NKAIN2: variants seen among roughly 807,000 people sequenced by gnomAD.
NKAIN2 encodes sodium/potassium-transporting ATPase subunit beta-1-interacting protein 2.
NKAIN2 carries 14 observed loss-of-function variants against 32.6 expected under a neutral mutation model. That is an observed-to-expected ratio of 0.43 (90% CI 0.28 to 0.67). NKAIN2 has a LOEUF of 0.67. Among genes scored for constraint, NKAIN2 ranks in the 30% least tolerant of loss-of-function variants. The pLI, the probability that NKAIN2 is intolerant of heterozygous loss-of-function variation, is 0.17. For synonymous variants in NKAIN2, 80 were observed against 87.2 expected (o/e 0.92, Z 0.46); for missense variants, 198 against 258.3 (o/e 0.77, Z 1.60).
intron 4 of NKAIN2, among the ~76,000 whole-genome samples, chr6:124,741,058 G>A (rs1294215797): frequency 1.3e-5 from 2 of 151,718 alleles, no homozygotes; most frequent in Non-Finnish European, 2.9e-5. Context: ...AGAAGTGTAT[G>A]AGAAAGACAG....
intron 3 of NKAIN2, among the ~76,000 whole-genome samples, chr6:124,374,265 T>G (rs1426907195): frequency 4.6e-5 from 7 of 151,550 alleles, no homozygotes; most frequent in African/African-American, 1.7e-4. Flanking sequence ...GTAAAATGAG[T>G]CAAAGGTCAT....
chr6:124,607,158 T>G (rs1028714873), intron 3 of NKAIN2, among the ~76,000 whole-genome samples: 1 of 152,192 alleles, frequency 6.6e-6, no homozygotes, highest in Non-Finnish European at 1.5e-5. Flanking sequence ...GGTTTTGGAA[T>G]AATTTAATCA....
At chr6:124,048,255 A>AT (rs1782236351) in intron 1 of NKAIN2, among the ~76,000 whole-genome samples, 3 of 151,960 alleles carry the variant, frequency 2.0e-5, no homozygotes, top group Admixed American at 2.0e-4. Context: ...GGATCAAGCT[A>AT]TTTTGGGGCT....
chr6:124,029,498 TAAAG>T (rs549609979), intron 1 of NKAIN2, among the ~76,000 whole-genome samples: 122 of 152,238 alleles, frequency 8.0e-4, no homozygotes, highest in African/African-American at 2.9e-3. Context: ...GTAAATTTGA[TAAAG>T]AAAGATTTAG....
intron 1 of NKAIN2, among the ~76,000 whole-genome samples, chr6:123,856,709 G>A (rs1020943238): frequency 4.6e-5 from 7 of 152,170 alleles, no homozygotes; most frequent in Non-Finnish European, 1.0e-4. Context: ...CCATGTGCTT[G>A]TTAAACATTC....
chr6:124,656,814 A>G (rs563492412), intron 3 of NKAIN2, among the ~76,000 whole-genome samples: 6 of 152,220 alleles, frequency 3.9e-5, no homozygotes, highest in Admixed American at 6.6e-5. Flanking sequence ...GATCCATGAT[A>G]TGTAGCAGTG....
intron 1 of NKAIN2, among the ~76,000 whole-genome samples, chr6:124,101,927 C>T (rs753966137): frequency 2.0e-5 from 3 of 152,128 alleles, no homozygotes; most frequent in Non-Finnish European, 2.9e-5. Flanking sequence ...CTTTGTAGGG[C>T]AAAACTTCCT....
chr6:124,707,727 G>C (rs1290554165), intron 4 of NKAIN2, among the ~76,000 whole-genome samples: 1 of 151,788 alleles, frequency 6.6e-6, no homozygotes, highest in African/African-American at 2.4e-5. Context: ...GTCCATTGTA[G>C]ATTCTGGATA....
At chr6:124,263,442 C>G (rs1275289092) in intron 1 of NKAIN2, among the ~76,000 whole-genome samples, 1 of 152,180 alleles carries the variant, frequency 6.6e-6, no homozygotes, top group East Asian at 1.9e-4. Flanking sequence ...ATAACTTTTG[C>G]TCATTGGCCT....
Position 124,454,105 on chromosome 6 carries a change from TTGG to T in NKAIN2, c.273+98759_273+98761del, listed in dbSNP as rs1490491171. 6.6e-3 allele frequency among the ~76,000 whole-genome samples: 867 copies of T among 130,688 alleles called. 15 individuals carry two copies. The highest frequency in any genetic ancestry group is 8.2e-3 in the Non-Finnish European group (495 of 60,696). 85.7% of individuals were successfully genotyped at this position (130,688 alleles called of 152,430 possible). A position where few individuals can be genotyped will look rare whatever the true frequency, so the allele number is the denominator to read the frequency against. ...TTCTTTAATATGTTGGGTTTTTTTT[TTGG>T]GGGGGGGGGTTGCTGGTTTATTTGC... On this transcript the variant is annotated intron_variant, in intron 3 of 6. Coordinates refer to ENST00000368417, the MANE Select transcript of NKAIN2 (RefSeq NM_001040214.3).
At chr6:124,624,160 C>T (rs907785830) in intron 3 of NKAIN2, among the ~76,000 whole-genome samples, 6 of 152,104 alleles carry the variant, frequency 3.9e-5, no homozygotes, top group Non-Finnish European at 7.3e-5. Flanking sequence ...TAAGTAAAGA[C>T]ATCAGTCTAA....
At chr6:124,194,407 A>G (rs802285) in intron 1 of NKAIN2, among the ~76,000 whole-genome samples, 104,107 of 151,974 alleles carry the variant, frequency 0.69, 35,902 homozygotes, top group Non-Finnish European at 0.72. Flanking sequence ...AGCATCTTTC[A>G]TTGACGGCAT....
At chr6:124,264,243 T>C (rs528956613) in intron 1 of NKAIN2, among the ~76,000 whole-genome samples, 1 of 152,340 alleles carries the variant, frequency 6.6e-6, no homozygotes, top group African/African-American at 2.4e-5. Flanking sequence ...ACTCTCCTTT[T>C]GGATCCTGAG....
chr6:124,608,082 A>C (rs1293775007), intron 3 of NKAIN2, among the ~76,000 whole-genome samples: 1 of 152,174 alleles, frequency 6.6e-6, no homozygotes, highest in Non-Finnish European at 1.5e-5. Context: ...TGTCTGTACA[A>C]AGATAGATTT....
At chr6:124,610,187 T>C (rs1470322851) in intron 3 of NKAIN2, among the ~76,000 whole-genome samples, 2 of 152,182 alleles carry the variant, frequency 1.3e-5, no homozygotes, top group African/African-American at 4.8e-5. Flanking sequence ...TATTGATTGA[T>C]AGGATATGTA....
chr6:124,323,596 G>T (rs906671023), intron 2 of NKAIN2, among the ~76,000 whole-genome samples: 29 of 151,904 alleles, frequency 1.9e-4, no homozygotes, highest in African/African-American at 6.5e-4. Context: ...CAAAAATTAG[G>T]CATGTTCGTG....
At chr6:124,714,982 A>G (rs1022803365) in intron 4 of NKAIN2, among the ~76,000 whole-genome samples, 2 of 152,194 alleles carry the variant, frequency 1.3e-5, no homozygotes, top group Admixed American at 6.5e-5. Context: ...CCCAGAAACC[A>G]TGAGAATGAT....
At chr6:124,636,670 G>A (rs1356315053) in intron 3 of NKAIN2, among the ~76,000 whole-genome samples, 1 of 151,874 alleles carries the variant, frequency 6.6e-6, no homozygotes, top group Non-Finnish European at 1.5e-5. Flanking sequence ...AACAGATACA[G>A]TTCTAGACAT....
At chr6:124,020,596 C>T (rs981443209) in intron 1 of NKAIN2, among the ~76,000 whole-genome samples, 1 of 151,918 alleles carries the variant, frequency 6.6e-6, no homozygotes, top group African/African-American at 2.4e-5. Flanking sequence ...GACTACATCA[C>T]TAAAGCATAT....
Sources: gnomAD v4.1 joint callset for allele counts (sites outside exome capture counted in the v4.1 genomes callset) on GRCh38, gnomAD v4.1.1 for gene constraint, MANE v1.5 for transcripts, NCBI Gene and HGNC (gene_info 2026-07-23, HGNC 2026-07-21) for gene names.